The following NBAS variants were observed in gnomAD, a reference collection of about 807,000 sequenced individuals.
NBAS encodes NAG/BC035112 fusion.
Under a neutral mutation model 302.5 loss-of-function variants are expected in NBAS, and 219 were observed. The ratio of observed to expected loss-of-function variants is 0.72; its 90% CI spans 0.65 to 0.81. The LOEUF is 0.81. Among genes scored for constraint, NBAS ranks in the 30% least tolerant of loss-of-function variants. The probability of loss-of-function intolerance (pLI) is 0.00; values close to 1 mark genes in which losing one functional copy is unlikely to be tolerated. For missense variants in NBAS, 2,932 were observed against 2,841.6 expected, an observed-to-expected ratio of 1.03 and a Z score of -0.72; for synonymous variants, 1,118 against 1,021.6, an observed-to-expected ratio of 1.09 and a Z score of -1.80.
At chr2:15,151,643 G>A in the NBAS span, among the ~76,000 whole-genome samples, 1 of 152,176 alleles carries the variant, frequency 6.6e-6, no homozygotes, top group Non-Finnish European at 1.5e-5. Flanking sequence ...TGGTATCGTA[G>A]AAACTCAGTT....
chr2:15,517,602 C>T (rs1228053397), intron 9 of NBAS, among the ~76,000 whole-genome samples: 1 of 152,092 alleles, frequency 6.6e-6, no homozygotes, highest in South Asian at 2.1e-4. Flanking sequence ...TTGTTAAGTG[C>T]ACGTAGTAGG....
chr2:14,868,784 T>C, the NBAS span, among the ~76,000 whole-genome samples: 1 of 152,230 alleles, frequency 6.6e-6, no homozygotes, highest in African/African-American at 2.4e-5. Flanking sequence ...AAAGTATCCC[T>C]TCCCACTTTC....
Position 15,478,263 on chromosome 2 carries a change from A to G in NBAS, c.1110T>C (p.Asp370=), listed in dbSNP as rs766433356. ...TTCTCTTCTCAGTAGAGAGCCTCCA[A>G]TCAGGATTAAGGTCATCATAGCCTG... ...EQPGYDDLNP[D]WRLSTEKRKK... Residue 370 remains aspartate (D), a synonymous_variant, in exon 13 of 52, where the codon GAT becomes GAC. Transcript: ENST00000281513. The G allele has an allele frequency of 4.3e-6, 7 of 1,611,714 alleles. No individual in the cohort carries two copies. The highest frequency in any genetic ancestry group is 2.2e-5 in the East Asian group (1 of 44,824).
intron 11 of NBAS, among the ~76,000 whole-genome samples, chr2:15,489,752 T>C (rs1680778846): frequency 6.6e-6 from 1 of 152,184 alleles, no homozygotes; most frequent in Non-Finnish European, 1.5e-5. Flanking sequence ...TTTTCCTTTC[T>C]CAGATGACAC....
At chr2:15,507,977 C>T (rs772884079) in intron 10 of NBAS, among the ~76,000 whole-genome samples, 6 of 112,422 alleles carry the variant, frequency 5.3e-5, no homozygotes, top group Non-Finnish European at 9.8e-5. Flanking sequence ...TACACCAAGA[C>T]AACAGCAACC....
At chr2:15,081,252 A>C in the NBAS span, among the ~76,000 whole-genome samples, 3 of 152,200 alleles carry the variant, frequency 2.0e-5, no homozygotes, top group South Asian at 6.2e-4. Flanking sequence ...TACCCATATC[A>C]TTGTTAACTC....
At chr2:15,165,971 G>A (rs1373862153), downstream of NBAS, among the ~76,000 whole-genome samples, 1 of 152,132 alleles carries the variant, frequency 6.6e-6, no homozygotes, top group Non-Finnish European at 1.5e-5. Flanking sequence ...TGCCTCCAAC[G>A]GCCCCCCGGT....
chr2:15,086,354 T>C, the NBAS span, among the ~76,000 whole-genome samples: 1 of 152,194 alleles, frequency 6.6e-6, no homozygotes, highest in Non-Finnish European at 1.5e-5. Flanking sequence ...TGGTCCCCTC[T>C]ATCACTCAAT....
chr2:15,527,374 C>T (rs375150642), intron 9 of NBAS, among the ~76,000 whole-genome samples: 7 of 152,078 alleles, frequency 4.6e-5, no homozygotes, highest in Non-Finnish European at 4.4e-5. Context: ...TAACAAAATA[C>T]CTGTGACTGA....
At chr2:15,299,942 A>G (rs1423645573) in intron 40 of NBAS, among the ~76,000 whole-genome samples, 1 of 152,236 alleles carries the variant, frequency 6.6e-6, no homozygotes, top group Non-Finnish European at 1.5e-5. Context: ...TAAAAACGTA[A>G]AAATGAGTTA....
At chr2:15,087,257 C>CACACACACA in the NBAS span, among the ~76,000 whole-genome samples, 1 of 137,418 alleles carries the variant, frequency 7.3e-6, no homozygotes, top group African/African-American at 3.1e-5. Flanking sequence ...CACACACACA[C>CACACACACA]CCCATATTGG....
rs533657857 is a variant in NBAS at position 15,312,077 on chromosome 2, G to A, written c.4583-2830C>T. Among the ~76,000 whole-genome samples the A allele has an allele frequency of 7.9e-5, 12 of 152,118 alleles. No homozygotes were observed. In the South Asian group the frequency reaches 1.5e-3, roughly 18 times the overall value. On this transcript the variant is annotated intron_variant, in intron 38 of 51. Coordinates refer to ENST00000281513, the MANE Select transcript of NBAS (RefSeq NM_015909.4). The stretch of plus-strand genomic sequence containing the variant: ...CTCTTAAATCTCACTGTAGCACTAG[G>A]CACTGCCAGATAGGCCTGCCTTTGG...
intron 21 of NBAS, among the ~76,000 whole-genome samples, chr2:15,455,375 C>G (rs1449655223): frequency 6.6e-6 from 1 of 151,808 alleles, no homozygotes; most frequent in Non-Finnish European, 1.5e-5. Flanking sequence ...CGGACTATTC[C>G]AGTGCTAATT....
At chr2:15,028,079 T>C in the NBAS span, among the ~76,000 whole-genome samples, 1 of 152,288 alleles carries the variant, frequency 6.6e-6, no homozygotes, top group Non-Finnish European at 1.5e-5. Context: ...ATGCACAGTT[T>C]TAAAGTTTTC....
At chr2:14,784,315 G>C in the NBAS span, among the ~76,000 whole-genome samples, 1 of 152,032 alleles carries the variant, frequency 6.6e-6, no homozygotes, top group Non-Finnish European at 1.5e-5. Context: ...GAAGCTCTTT[G>C]GTTTAATTAG....
At chr2:14,890,852 AAC>A in the NBAS span, 45 of 138,162 alleles carry the variant, frequency 3.3e-4, no homozygotes, top group East Asian at 1.9e-3. Flanking sequence ...AACAAACAAC[AAC>A]AAAAAAAAAC....
Position 15,475,863 on chromosome 2 carries a change from G to C in NBAS, c.1165C>G (p.Pro389Ala). The C allele has an allele frequency of 6.2e-7, 1 of 1,613,078 alleles. No individual in the cohort carries two copies. Among genetic ancestry groups the C allele is most frequent in the Non-Finnish European group, 8.5e-7 (1 of 1,179,418 alleles). Reference protein sequence around the residue: ...KKIKDKESFYPLIDVNWWADS... With the variant: ...KKIKDKESFYALIDVNWWADS... ...GCCCACCAATTGACATCTATCAGTG[G>C]GTAAAAGGACTCTTTATCTAAGAAG... The change falls in exon 14 of 52, where the codon CCA becomes GCA. Residue 389 changes from proline to alanine, a missense_variant. Physicochemically the swap from Pro to Ala is conservative, Grantham distance 27. Transcript: ENST00000281513.
At chr2:15,282,427 G>A (rs1370942943) in intron 42 of NBAS, among the ~76,000 whole-genome samples, 2 of 152,130 alleles carry the variant, frequency 1.3e-5, no homozygotes, top group African/African-American at 4.8e-5. Context: ...ATGCAATATA[G>A]TTTACTCATC....
chr2:15,385,779 G>A (rs1203694175), intron 28 of NBAS, among the ~76,000 whole-genome samples: 1 of 152,088 alleles, frequency 6.6e-6, no homozygotes, highest in Non-Finnish European at 1.5e-5. Context: ...TTAATTTCAG[G>A]TCAACTACTG....
Sources: allele counts gnomAD v4.1 joint callset (sites outside exome capture counted in the v4.1 genomes callset), GRCh38; gene constraint gnomAD v4.1.1; transcripts MANE v1.5; gene names NCBI Gene and HGNC (gene_info 2026-07-23, HGNC 2026-07-21).